Variants in NKAIN3 observed in about 807,000 individuals in gnomAD.
NKAIN3 encodes the protein sodium/potassium transporting ATPase interacting 3.
Under a neutral mutation model 30.2 loss-of-function variants are expected in NKAIN3, and 25 were observed. The observed-to-expected ratio is 0.83, with a 90% CI of 0.60 to 1.16. NKAIN3 has a LOEUF of 1.16. Ranked by LOEUF, NKAIN3 falls within the 50% of genes most tolerant of loss-of-function variation. NKAIN3 has a pLI of 0.00. For synonymous variants in NKAIN3, 91 were observed against 89.6 expected (o/e 1.02, Z -0.09); for missense variants, 225 against 254.1 (o/e 0.89, Z 0.78).
intron 4 of NKAIN3, among the ~76,000 whole-genome samples, chr8:62,827,008 G>A (rs1347069312): frequency 6.6e-6 from 1 of 152,078 alleles, no homozygotes; most frequent in African/African-American, 2.4e-5. Flanking sequence ...AAACTAAGCT[G>A]GTATAGGTGG....
intron 4 of NKAIN3, among the ~76,000 whole-genome samples, chr8:62,747,620 T>C (rs909920965): frequency 6.6e-6 from 1 of 152,128 alleles, no homozygotes; most frequent in Non-Finnish European, 1.5e-5. Context: ...AGAATACAAT[T>C]CCATATACAG....
intron 1 of NKAIN3, among the ~76,000 whole-genome samples, chr8:62,294,108 T>C (rs187380593): frequency 1.3e-5 from 2 of 151,954 alleles, no homozygotes; most frequent in Admixed American, 6.6e-5. Flanking sequence ...AGGGTGGGAG[T>C]GTTCTGATTT....
At chr8:62,416,733 G>A (rs952595763) in intron 1 of NKAIN3, among the ~76,000 whole-genome samples, 3 of 151,966 alleles carry the variant, frequency 2.0e-5, no homozygotes, top group Non-Finnish European at 2.9e-5. Flanking sequence ...GGTAGCTCAC[G>A]CCTGTAATCC....
At chr8:62,624,262 G>A (rs1276086756) in intron 3 of NKAIN3, among the ~76,000 whole-genome samples, 2 of 152,064 alleles carry the variant, frequency 1.3e-5, no homozygotes, top group Non-Finnish European at 2.9e-5. Context: ...CTGTGAGTAA[G>A]AATGCCTAAC....
At chr8:62,787,997 C>T (rs893464587) in intron 4 of NKAIN3, among the ~76,000 whole-genome samples, 1 of 150,216 alleles carries the variant, frequency 6.7e-6, no homozygotes, top group Non-Finnish European at 1.5e-5. Context: ...CATACATGTG[C>T]ATGTGTCTTT....
chr8:62,769,569 T>C (rs1209295881), intron 4 of NKAIN3, among the ~76,000 whole-genome samples: 3 of 152,196 alleles, frequency 2.0e-5, no homozygotes, highest in African/African-American at 7.2e-5. Flanking sequence ...GATCAGTGAG[T>C]TGTAACCTAA....
chr8:62,394,874 G>A (rs1269427869), intron 1 of NKAIN3, among the ~76,000 whole-genome samples: 1 of 134,902 alleles, frequency 7.4e-6, no homozygotes, highest in Admixed American at 7.5e-5. Context: ...GGGCGGCCGG[G>A]GGAGGCGCTC....
At chr8:62,922,840 T>A (rs1822324457) in intron 5 of NKAIN3, among the ~76,000 whole-genome samples, 1 of 152,008 alleles carries the variant, frequency 6.6e-6, no homozygotes, top group Non-Finnish European at 1.5e-5. Context: ...CAGATTTAGA[T>A]CCTGAAACAT....
chr8:62,569,048 C>T (rs1809842316), intron 1 of NKAIN3, among the ~76,000 whole-genome samples: 1 of 152,170 alleles, frequency 6.6e-6, no homozygotes, highest in Non-Finnish European at 1.5e-5. Context: ...GGTGATATAT[C>T]AGACTACAAC....
At chr8:62,312,274 G>A (rs1328098690) in intron 1 of NKAIN3, among the ~76,000 whole-genome samples, 1 of 150,632 alleles carries the variant, frequency 6.6e-6, no homozygotes, top group Non-Finnish European at 1.5e-5. Flanking sequence ...AGAGAACAAT[G>A]GAAATAACAC....
At chr8:62,934,378 TTA>T (rs1029216309) in intron 5 of NKAIN3, among the ~76,000 whole-genome samples, 1 of 3,578 alleles carries the variant, frequency 2.8e-4, no homozygotes, top group Non-Finnish European at 4.0e-4. Context: ...ACCCTGTCTC[TTA>T]AAAAAAAAAA....
chr8:62,842,344 TGATGA>T (rs1325067948), intron 4 of NKAIN3, among the ~76,000 whole-genome samples: 1 of 152,100 alleles, frequency 6.6e-6, no homozygotes, highest in Non-Finnish European at 1.5e-5. Context: ...TATAAAACAC[TGATGA>T]ATGAAATTGA....
At position 62,805,815 on chromosome 8, in the gene NKAIN3, A is replaced by G. The variant is rs1020452709; in HGVS notation, c.471+58686A>G. The stretch of plus-strand genomic sequence containing the variant: ...AAATGGACAAATGGGATCTAATTAA[A>G]CTAAAGAGCTTCTGCACAGCAAAAG... On this transcript the variant is annotated intron_variant, in intron 4 of 6. Coordinates refer to ENST00000623646, the MANE Select transcript of NKAIN3 (RefSeq NM_001304533.3). Among the ~76,000 whole-genome samples, 55 of 152,202 alleles carry G rather than the reference A, an allele frequency of 3.6e-4. 2 individuals are homozygous for G. Among genetic ancestry groups the G allele is most frequent in the Admixed American group, 2.2e-3 (33 of 15,282 alleles).
At position 62,984,296 on chromosome 8, in the gene NKAIN3, G is replaced by A. The variant is rs986225426; in HGVS notation, c.*18889G>A. ...CATTTCATTATATTTCAAAGGCACA[G>A]GTTGCTGGTAAGAGGGACAGAAAGA... is the stretch of plus-strand genomic sequence containing the variant. On this transcript the variant is annotated 3_prime_UTR_variant, in exon 7 of 7. Transcript: ENST00000623646. The A allele has an allele frequency of 2.6e-5, 4 of 152,140 alleles. No homozygotes were observed. Among genetic ancestry groups the A allele is most frequent in the African/African-American group, 7.2e-5 (3 of 41,422 alleles). The allele number at this position is 152,140 out of a possible 1,614,324, so 9.4% of individuals were successfully genotyped here.
At chr8:62,395,105 G>A (rs1817708107) in intron 1 of NKAIN3, among the ~76,000 whole-genome samples, 1 of 151,112 alleles carries the variant, frequency 6.6e-6, no homozygotes. Flanking sequence ...AGATGATGGG[G>A]CGACGGGACA....
At chr8:62,994,847 T>C (rs2130936209) in intron 5 of NKAIN3, among the ~76,000 whole-genome samples, 1 of 152,280 alleles carries the variant, frequency 6.6e-6, no homozygotes, top group East Asian at 1.9e-4. Context: ...TCTGCTTTCT[T>C]ATAGTTTTTT....
At chr8:62,687,668 C>T (rs1813841135) in intron 3 of NKAIN3, among the ~76,000 whole-genome samples, 1 of 152,220 alleles carries the variant, frequency 6.6e-6, no homozygotes, top group African/African-American at 2.4e-5. Flanking sequence ...GCATCAAAAG[C>T]ACTCTGCTGG....
intron 4 of NKAIN3, among the ~76,000 whole-genome samples, chr8:62,883,456 G>GTTTTTTTTTTTTTTTTTTTT (rs1563611107): frequency 1.2e-4 from 2 of 17,216 alleles, no homozygotes; most frequent in African/African-American, 1.4e-3. Flanking sequence ...GAGTTTTATG[G>GTTTTTTTTTTTTTTTTTTTT]GTTTTTTTTT....
At chr8:62,943,455 T>A (rs1823027511) in intron 5 of NKAIN3, among the ~76,000 whole-genome samples, 1 of 152,042 alleles carries the variant, frequency 6.6e-6, no homozygotes, top group South Asian at 2.1e-4. Context: ...TGTAAACTAG[T>A]ACAACCACTA....
Sources: allele counts gnomAD v4.1 joint callset (sites outside exome capture counted in the v4.1 genomes callset), GRCh38; gene constraint gnomAD v4.1.1; transcripts MANE v1.5; gene names NCBI Gene and HGNC (gene_info 2026-07-23, HGNC 2026-07-21).